CTNNA2: variants seen among roughly 807,000 people sequenced by gnomAD.
The protein encoded by CTNNA2 is catenin alpha 2.
A neutral mutation model predicts 101.0 loss-of-function variants in CTNNA2; 42 were observed. The observed-to-expected ratio is 0.42, with a 90% CI of 0.32 to 0.54. The LOEUF (loss-of-function observed/expected upper bound fraction) is 0.54. CTNNA2 is among the 20% of genes least tolerant of loss of function. The pLI, the probability that CTNNA2 is intolerant of heterozygous loss-of-function variation, is 0.14. For synonymous variants in CTNNA2, 450 were observed against 456.4 expected (o/e 0.99, Z 0.18); for missense variants, 871 against 1,223.1 (o/e 0.71, Z 4.29).
chr2:80,137,640 T>A (rs920916259), intron 7 of CTNNA2, among the ~76,000 whole-genome samples: 4 of 151,972 alleles, frequency 2.6e-5, no homozygotes. Flanking sequence ...TGGGATAGAA[T>A]AAGTTAGGAG....
intron 4 of CTNNA2, among the ~76,000 whole-genome samples, chr2:79,460,139 C>G (rs1194565628): frequency 6.6e-6 from 1 of 152,104 alleles, no homozygotes; most frequent in Non-Finnish European, 1.5e-5. Flanking sequence ...ATATATCTAG[C>G]ATCTTGTTGA....
At chr2:80,487,107 C>A (rs1686650014) in intron 9 of CTNNA2, among the ~76,000 whole-genome samples, 1 of 151,708 alleles carries the variant, frequency 6.6e-6, no homozygotes, top group Non-Finnish European at 1.5e-5. Flanking sequence ...TTTACCAAAC[C>A]CCGTCTCTAC....
rs182430418 is a variant in CTNNA2 at position 80,409,892 on chromosome 2, A to C, written c.1138-9557A>C. ...GATTAGAAAGGAATTTTTGAATTTC[A>C]CAATTAAAGGCAAATAAGAGAACTT... On this transcript the variant is annotated intron_variant, in intron 8 of 18. Transcript: ENST00000402739. Among the ~76,000 whole-genome samples, 63 of 152,288 alleles carry C rather than the reference A, an allele frequency of 4.1e-4. No individual in the cohort carries two copies. The East Asian group carries it at 0.012, about 29-fold the overall frequency.
intron 2 of CTNNA2, among the ~76,000 whole-genome samples, chr2:79,702,098 TG>T (rs1333203582): frequency 1.3e-5 from 2 of 148,304 alleles, no homozygotes; most frequent in East Asian, 4.0e-4. Context: ...ATGGCATGAA[TG>T]GGGTACTCAA....
At chr2:80,368,371 G>A (rs1276298135) in intron 7 of CTNNA2, among the ~76,000 whole-genome samples, 1 of 152,180 alleles carries the variant, frequency 6.6e-6, no homozygotes, top group Non-Finnish European at 1.5e-5. Flanking sequence ...GTAATAGGGT[G>A]CATGTAGAGG....
At chr2:79,238,577 A>C (rs185118216) in intron 2 of CTNNA2, among the ~76,000 whole-genome samples, 334 of 152,356 alleles carry the variant, frequency 2.2e-3, no homozygotes, top group African/African-American at 7.4e-3. Flanking sequence ...ATAGTGCAGT[A>C]AATTAAGGTG....
chr2:79,541,630 A>ATT (rs34560865), intron 1 of CTNNA2, among the ~76,000 whole-genome samples: 1 of 142,554 alleles, frequency 7.0e-6, no homozygotes, highest in Non-Finnish European at 1.5e-5. Context: ...AATCTTCATA[A>ATT]TTTTTTTTTT....
At position 80,237,064 on chromosome 2, in the gene CTNNA2, A is replaced by G. The variant is rs528219114; in HGVS notation, c.1057-156147A>G. 4.6e-5 allele frequency among the ~76,000 whole-genome samples: 7 copies of G among 152,330 alleles called. No homozygotes were observed. In the South Asian group the frequency reaches 1.5e-3, roughly 32 times the overall value. On this transcript the variant is annotated intron_variant, in intron 7 of 18. Transcript: ENST00000402739. ...ACAGCTGGTACTACCCTGAAATTTC[A>G]AGGATCCCTTCCCATTGTCAGTCCA...
intron 12 of CTNNA2, among the ~76,000 whole-genome samples, chr2:80,560,427 G>A (rs1220031557): frequency 2.6e-5 from 4 of 152,132 alleles, no homozygotes; most frequent in Admixed American, 6.5e-5. Context: ...AAATCAGTTA[G>A]TGCCTCTGGG....
intron 3 of CTNNA2, among the ~76,000 whole-genome samples, chr2:79,327,497 G>T (rs1417996766): frequency 1.3e-5 from 2 of 152,132 alleles, no homozygotes; most frequent in Non-Finnish European, 2.9e-5. Flanking sequence ...ATTGAAAAAT[G>T]AAAGAAAAAT....
intron 3 of CTNNA2, among the ~76,000 whole-genome samples, chr2:79,803,005 A>G (rs1180898771): frequency 6.6e-6 from 1 of 152,262 alleles, no homozygotes; most frequent in East Asian, 1.9e-4. Context: ...ATGTAATATT[A>G]CATATAATGT....
chr2:79,393,154 G>T (rs953504041), intron 4 of CTNNA2, among the ~76,000 whole-genome samples: 9 of 152,142 alleles, frequency 5.9e-5, no homozygotes, highest in Non-Finnish European at 1.0e-4. Context: ...AGGTGGTACT[G>T]GTCATAGCTG....
chr2:80,068,511 G>A (rs891156697), intron 7 of CTNNA2, among the ~76,000 whole-genome samples: 1 of 152,120 alleles, frequency 6.6e-6, no homozygotes, highest in Non-Finnish European at 1.5e-5. Flanking sequence ...ATCCTGTCAC[G>A]CTTTGTTGGC....
chr2:79,738,969 A>G (rs941359494), intron 2 of CTNNA2, among the ~76,000 whole-genome samples: 4 of 152,200 alleles, frequency 2.6e-5, no homozygotes, highest in Non-Finnish European at 4.4e-5. Context: ...TTTATTCTCA[A>G]TTAAGACTGA....
intron 7 of CTNNA2, among the ~76,000 whole-genome samples, chr2:80,196,392 C>T (rs1335783918): frequency 2.0e-5 from 3 of 152,142 alleles, no homozygotes; most frequent in African/African-American, 4.8e-5. Flanking sequence ...TGACCTTGTG[C>T]CCCTACCTCG....
intron 9 of CTNNA2, among the ~76,000 whole-genome samples, chr2:80,481,575 A>G (rs1686144643): frequency 6.6e-6 from 1 of 152,142 alleles, no homozygotes; most frequent in African/African-American, 2.4e-5. Flanking sequence ...AGATTGGTCT[A>G]ACACTAGAAG....
rs67176913 is a variant in CTNNA2, at chr2:80,250,182, GGAGAGAGA to G, written c.1057-143013_1057-143006del. On this transcript the variant is annotated intron_variant, in intron 7 of 18. Coordinates refer to ENST00000402739, the MANE Select transcript of CTNNA2 (RefSeq NM_001282597.3). ...TTTGTAGATAGATACATGGATGGGG[GGAGAGAGA>G]GAGAGAGAGAGAGAGTGTGTGTGTG... Among the ~76,000 whole-genome samples the G allele has an allele frequency of 9.2e-3, 1,312 of 142,102 alleles. 16 individuals carry two copies. Among genetic ancestry groups the G allele is most frequent in the African/African-American group, 0.031 (1,176 of 37,742 alleles). The allele number at this position is 142,102 out of a possible 152,430, so 93.2% of individuals were successfully genotyped here. A position where few individuals can be genotyped will look rare whatever the true frequency, so the allele number is the denominator to read the frequency against.
At chr2:79,264,315 C>T (rs1674962426) in intron 2 of CTNNA2, among the ~76,000 whole-genome samples, 2 of 152,024 alleles carry the variant, frequency 1.3e-5, no homozygotes, top group East Asian at 1.9e-4. Context: ...TGCTTTAAGC[C>T]ATACATGTAA....
intron 2 of CTNNA2, among the ~76,000 whole-genome samples, chr2:79,661,666 T>G (rs1426927971): frequency 6.6e-6 from 1 of 152,090 alleles, no homozygotes; most frequent in Non-Finnish European, 1.5e-5. Context: ...GCACACTCAT[T>G]ACTGCTGTGG....
Sources: gnomAD v4.1 joint callset for allele counts (sites outside exome capture counted in the v4.1 genomes callset) on GRCh38, gnomAD v4.1.1 for gene constraint, MANE v1.5 for transcripts, NCBI Gene and HGNC (gene_info 2026-07-23, HGNC 2026-07-21) for gene names.